The following MGAT5 variants were observed in gnomAD, a reference collection of about 807,000 sequenced individuals.
MGAT5 encodes the protein alpha-1,6-mannosylglycoprotein 6-beta-N-acetylglucosaminyltransferase A.
A neutral mutation model predicts 94.3 loss-of-function variants in MGAT5; 30 were observed. That is an observed-to-expected ratio of 0.32 (90% CI 0.24 to 0.43). The LOEUF is 0.43. MGAT5 is among the 20% of genes least tolerant of loss of function. The probability of loss-of-function intolerance (pLI) is 1.00; values close to 1 mark genes in which losing one functional copy is unlikely to be tolerated. For synonymous variants in MGAT5, 310 were observed against 322.9 expected, an observed-to-expected ratio of 0.96 and a Z score of 0.43; for missense variants, 691 against 905.5, an observed-to-expected ratio of 0.76 and a Z score of 3.04.
Position 134,432,256 on chromosome 2 carries a change from A to G in MGAT5, c.1869+3817A>G, listed in dbSNP as rs566336512. ...ATTATATTTTCTGTTTCCTGTAAAG[A>G]CACTGTAAATATATAGCATGGTCAC... On this transcript the variant is annotated intron_variant, in intron 14 of 15. Coordinates refer to ENST00000281923, the MANE Select transcript of MGAT5 (RefSeq NM_002410.5). Among the ~76,000 whole-genome samples the G allele has an allele frequency of 4.6e-5, 7 of 152,368 alleles. No individual in the cohort carries two copies. The South Asian group carries it at 1.2e-3, about 27-fold the overall frequency.
chr2:134,257,626 G>C (rs1683053241), intron 1 of MGAT5, among the ~76,000 whole-genome samples: 2 of 152,182 alleles, frequency 1.3e-5, no homozygotes, highest in Admixed American at 1.3e-4. Flanking sequence ...GGATTAGTTA[G>C]TATAGTCCAG....
chr2:134,270,322 G>A, intron 1 of MGAT5, 64 bp from the exon 2 acceptor site: 4 of 1,484,420 alleles, frequency 2.7e-6, no homozygotes, highest in Non-Finnish European at 3.7e-6. Context: ...GATAAAGAGA[G>A]AGCAAGCCAG....
chr2:134,393,169 A>C (rs1045558325), intron 10 of MGAT5, among the ~76,000 whole-genome samples: 3 of 152,254 alleles, frequency 2.0e-5, no homozygotes, highest in Non-Finnish European at 4.4e-5. Flanking sequence ...AACTTGCCGA[A>C]GTCCCATAAG....
intron 1 of MGAT5, among the ~76,000 whole-genome samples, chr2:134,149,185 C>T (rs537323157): frequency 8.5e-5 from 13 of 152,180 alleles, no homozygotes; most frequent in Non-Finnish European, 1.5e-4. Context: ...AAAGAACAGC[C>T]GTGAGGTCAG....
intron 2 of MGAT5, among the ~76,000 whole-genome samples, chr2:134,292,960 G>T (rs550620339): frequency 6.6e-6 from 1 of 152,334 alleles, no homozygotes; most frequent in South Asian, 2.1e-4. Flanking sequence ...ATAACAGATG[G>T]AGGTCATGGA....
intron 2 of MGAT5, among the ~76,000 whole-genome samples, chr2:134,305,791 T>C (rs974529424): frequency 1.3e-5 from 2 of 152,150 alleles, no homozygotes; most frequent in Non-Finnish European, 2.9e-5. Context: ...GTAAACTGCA[T>C]GTGAGAAGAG....
intron 12 of MGAT5, among the ~76,000 whole-genome samples, chr2:134,421,195 A>G (rs924905401): frequency 1.3e-5 from 2 of 152,232 alleles, no homozygotes; most frequent in Non-Finnish European, 2.9e-5. Flanking sequence ...ATGACAGCTC[A>G]TTGGTGACGT....
At chr2:134,298,564 T>G (rs1685831301) in intron 2 of MGAT5, among the ~76,000 whole-genome samples, 1 of 152,196 alleles carries the variant, frequency 6.6e-6, no homozygotes, top group Non-Finnish European at 1.5e-5. Flanking sequence ...ACCATGCGGA[T>G]CATATTCTGT....
intron 14 of MGAT5, among the ~76,000 whole-genome samples, chr2:134,437,758 G>A (rs1038466680): frequency 1.3e-5 from 2 of 152,170 alleles, no homozygotes; most frequent in African/African-American, 4.8e-5. Flanking sequence ...GCTTACACCT[G>A]TAATCCCACA....
At chr2:134,235,391 C>T (rs1573579907) in intron 1 of MGAT5, among the ~76,000 whole-genome samples, 1 of 152,070 alleles carries the variant, frequency 6.6e-6, no homozygotes, top group African/African-American at 2.4e-5. Flanking sequence ...GGGAGGGCTA[C>T]CATTTGTATT....
intron 15 of MGAT5, among the ~76,000 whole-genome samples, chr2:134,446,290 G>A (rs987965191): frequency 1.3e-5 from 2 of 151,714 alleles, no homozygotes; most frequent in East Asian, 3.9e-4. Context: ...GTGACCCAGG[G>A]AGCGAGCAGG....
At chr2:134,192,681 T>C (rs1679288772) in intron 1 of MGAT5, among the ~76,000 whole-genome samples, 1 of 152,066 alleles carries the variant, frequency 6.6e-6, no homozygotes, top group Admixed American at 6.5e-5. Context: ...TTTTTTATTT[T>C]TATTTTTATT....
At position 134,449,143 on chromosome 2, in the gene MGAT5, A is replaced by G. The variant is rs1051884287; in HGVS notation, c.*296A>G. ...CTGTCACTGCAGCTGCTCCAGGGCA[A>G]AAGAAAGTCTCAAGAGTCCTTTAAA... On this transcript the variant is annotated 3_prime_UTR_variant, in exon 16 of 16. Coordinates refer to ENST00000281923, the MANE Select transcript of MGAT5 (RefSeq NM_002410.5). The G allele has an allele frequency of 7.0e-5, 30 of 429,408 alleles. No individual in the cohort carries two copies. The highest frequency in any genetic ancestry group is 1.1e-4 in the Non-Finnish European group (26 of 234,374). The allele number at this position is 429,408 out of a possible 1,614,324, so 26.6% of individuals were successfully genotyped here.
intron 1 of MGAT5, among the ~76,000 whole-genome samples, chr2:134,235,728 G>GTTT (rs10699301): frequency 6.8e-6 from 1 of 146,872 alleles, no homozygotes; most frequent in African/African-American, 2.5e-5. Flanking sequence ...AATAATAGGG[G>GTTT]TTTTTTTTTT....
At chr2:134,303,497 T>A (rs1686152657) in intron 2 of MGAT5, among the ~76,000 whole-genome samples, 1 of 152,132 alleles carries the variant, frequency 6.6e-6, no homozygotes, top group South Asian at 2.1e-4. Context: ...TTTGTTAGGG[T>A]GTGTCTGTTT....
chr2:134,424,910 T>G (rs143097593), intron 13 of MGAT5, among the ~76,000 whole-genome samples: 56 of 152,338 alleles, frequency 3.7e-4, no homozygotes, highest in Non-Finnish European at 4.0e-4. Context: ...TATACAAGAT[T>G]AGGGCCCACC....
chr2:134,441,895 C>T lies in MGAT5; in HGVS notation c.2007C>T (p.Asn669=). The change falls in exon 15 of 16, where the codon AAC becomes AAT. Residue 669 remains asparagine, a synonymous_variant. Transcript: ENST00000281923. ...AGCCTTCTTTCTTCCAGCACCTCAA[C>T]AAGGACAAGGACATGCTGAAGTAAG... ...ICEPSFFQHL[N]KDKDMLKYKV... is the part of the protein sequence containing the mutation. 1 of 1,613,678 alleles carries T rather than the reference C, an allele frequency of 6.2e-7. No individual in the cohort carries two copies. Among genetic ancestry groups the T allele is most frequent in the Non-Finnish European group, 8.5e-7 (1 of 1,179,830 alleles).
intron 14 of MGAT5, among the ~76,000 whole-genome samples, chr2:134,434,650 A>ACAT (rs1477563837): frequency 6.6e-6 from 1 of 151,424 alleles, no homozygotes; most frequent in Non-Finnish European, 1.5e-5. Flanking sequence ...GCAAAGCGCC[A>ACAT]TGTTAGAGGT....
At chr2:134,247,487 G>C (rs1038238844) in intron 1 of MGAT5, among the ~76,000 whole-genome samples, 1 of 152,028 alleles carries the variant, frequency 6.6e-6, no homozygotes, top group Middle Eastern at 3.4e-3. Flanking sequence ...GTTTTGCTGA[G>C]TCTCTGCGAT....
Sources: allele counts gnomAD v4.1 joint callset (sites outside exome capture counted in the v4.1 genomes callset), GRCh38; gene constraint gnomAD v4.1.1; transcripts MANE v1.5; gene names NCBI Gene and HGNC (gene_info 2026-07-23, HGNC 2026-07-21).